The following KALRN variants were observed in gnomAD, a reference collection of about 807,000 sequenced individuals.
The protein encoded by KALRN is kalirin RhoGEF kinase.
A neutral mutation model predicts 353.7 loss-of-function variants in KALRN; 70 were observed. The observed-to-expected ratio is 0.20, with a 90% CI of 0.16 to 0.24. The LOEUF (loss-of-function observed/expected upper bound fraction) is 0.24. KALRN is among the 10% of genes least tolerant of loss of function. The probability of loss-of-function intolerance (pLI) is 1.00; values close to 1 mark genes in which losing one functional copy is unlikely to be tolerated. For missense variants in KALRN, 2,791 were observed against 3,756.7 expected (o/e 0.74, Z 6.72); for synonymous variants, 1,391 against 1,434.8 (o/e 0.97, Z 0.69).
intron 12 of KALRN, among the ~76,000 whole-genome samples, chr3:124,395,785 T>C (rs2090086043): frequency 6.6e-6 from 1 of 152,180 alleles, no homozygotes; most frequent in Admixed American, 6.5e-5. Flanking sequence ...TGTTTGACTT[T>C]GGACCCATGA....
At chr3:124,035,267 A>G (rs1386066596) in intron 1 of KALRN, among the ~76,000 whole-genome samples, 2 of 151,932 alleles carry the variant, frequency 1.3e-5, no homozygotes, top group South Asian at 4.2e-4. Flanking sequence ...AGCACCCAAA[A>G]GCATGGATTC....
rs151272510 is a variant in KALRN, at chr3:124,069,437, G to A, written c.73+35624G>A. ...GGATCTCCCAGAGCTGAGTCGACACGTGTCCCTCTATGTCGTGCACAGCCC... is the reference window on the plus strand; with the variant it reads ...GGATCTCCCAGAGCTGAGTCGACACATGTCCCTCTATGTCGTGCACAGCCC... On this transcript the variant is annotated intron_variant, in intron 1 of 59. Coordinates refer to ENST00000682506, the MANE Select transcript of KALRN (RefSeq NM_001388419.1). Among the ~76,000 whole-genome samples, 8 of 152,154 alleles carry A rather than the reference G, an allele frequency of 5.3e-5. No individual in the cohort carries two copies. The East Asian group carries it at 1.4e-3, about 26-fold the overall frequency.
At chr3:124,352,710 TA>T (rs1231357253) in intron 10 of KALRN, among the ~76,000 whole-genome samples, 1 of 151,638 alleles carries the variant, frequency 6.6e-6, no homozygotes, top group Admixed American at 6.6e-5. Flanking sequence ...GAACACACTT[TA>T]AAAAAATCAT....
At chr3:124,430,827 C>T (rs529563305) in intron 16 of KALRN, 52 bp downstream of exon 16, 2 of 1,573,298 alleles carry the variant, frequency 1.3e-6, no homozygotes, top group Admixed American at 3.5e-5. Flanking sequence ...CTGCTCTGTA[C>T]CTCAGGCAGG....
At chr3:124,426,242 A>C (rs777067077) in intron 15 of KALRN, among the ~76,000 whole-genome samples, 14 of 152,168 alleles carry the variant, frequency 9.2e-5, no homozygotes, top group Non-Finnish European at 1.9e-4. Flanking sequence ...ACTGATTTGG[A>C]AGCTGTTGAC....
intron 10 of KALRN, among the ~76,000 whole-genome samples, chr3:124,368,667 G>T (rs1433243136): frequency 6.8e-6 from 1 of 146,520 alleles, no homozygotes; most frequent in Non-Finnish European, 1.5e-5. Flanking sequence ...GGTGGCGGCC[G>T]GGCAGAGGCT....
intron 1 of KALRN, among the ~76,000 whole-genome samples, chr3:124,196,904 TCATTATGCTCA>T (rs1011144629): frequency 5.0e-4 from 67 of 133,194 alleles, no homozygotes; most frequent in Non-Finnish European, 8.4e-4. Context: ...GCAGGTGCTA[TCATTATGCTCA>T]TTTACAGATG....
chr3:124,505,996 G>T (rs1269249104), intron 33 of KALRN, among the ~76,000 whole-genome samples: 1 of 152,226 alleles, frequency 6.6e-6, no homozygotes, highest in Non-Finnish European at 1.5e-5. Flanking sequence ...CAAAGTGGCA[G>T]TTGGATGATG....
chr3:124,180,376 T>G (rs1481828133), intron 1 of KALRN, among the ~76,000 whole-genome samples: 1 of 152,208 alleles, frequency 6.6e-6, no homozygotes, highest in Non-Finnish European at 1.5e-5. Context: ...CTCTGCCATG[T>G]GCTTTAGTGT....
intron 57 of KALRN, among the ~76,000 whole-genome samples, chr3:124,703,141 G>T (rs145384547): frequency 6.6e-6 from 1 of 152,256 alleles, no homozygotes; most frequent in African/African-American, 2.4e-5. Context: ...TTTTTTAACT[G>T]ACGTGGTTGT....
intron 19 of KALRN, among the ~76,000 whole-genome samples, chr3:124,444,202 C>G (rs1359383819): frequency 6.6e-6 from 1 of 152,236 alleles, no homozygotes; most frequent in Non-Finnish European, 1.5e-5. Context: ...TTGGCTCCTT[C>G]ACTCCAGGTA....
chr3:124,211,022 C>G (rs2076854800), intron 1 of KALRN, among the ~76,000 whole-genome samples: 2 of 152,212 alleles, frequency 1.3e-5, no homozygotes, highest in African/African-American at 2.4e-5. Context: ...TCTACAATTT[C>G]AGGAGCTGAC....
At chr3:124,304,292 T>C (rs907300377) in intron 6 of KALRN, among the ~76,000 whole-genome samples, 2 of 152,202 alleles carry the variant, frequency 1.3e-5, no homozygotes, top group African/African-American at 2.4e-5. Flanking sequence ...GTCTTTTTAG[T>C]ATAATTTTTT....
At chr3:124,609,834 G>A (rs1243504864) in intron 34 of KALRN, among the ~76,000 whole-genome samples, 1 of 152,122 alleles carries the variant, frequency 6.6e-6, no homozygotes, top group Non-Finnish European at 1.5e-5. Flanking sequence ...AGAGGTGGGT[G>A]GTAGTTATCC....
At chr3:124,212,533 G>A (rs2076989265) in intron 1 of KALRN, among the ~76,000 whole-genome samples, 1 of 151,932 alleles carries the variant, frequency 6.6e-6, no homozygotes, top group African/African-American at 2.4e-5. Context: ...TGGATACTTA[G>A]GATATTTGCA....
In KALRN at chr3:124,040,306, G is replaced by A. The variant is rs149357599; in HGVS notation, c.73+6493G>A. ...AAATGAACACTTTTTACTTTTCAAA[G>A]TTTTCTCTGGTTCTGGTATTTGATA... On this transcript the variant is annotated intron_variant, in intron 1 of 59. Coordinates refer to ENST00000682506, the MANE Select transcript of KALRN (RefSeq NM_001388419.1). Among the ~76,000 whole-genome samples, 34 of 152,280 alleles carry A rather than the reference G, an allele frequency of 2.2e-4. No homozygotes were observed. The East Asian group carries it at 6.4e-3, about 29-fold the overall frequency.
intron 2 of KALRN, among the ~76,000 whole-genome samples, chr3:124,234,548 A>G (rs1457359373): frequency 2.0e-5 from 3 of 152,164 alleles, no homozygotes; most frequent in Non-Finnish European, 4.4e-5. Flanking sequence ...GTGCATCCCC[A>G]TGTGCCAACT....
intron 10 of KALRN, among the ~76,000 whole-genome samples, chr3:124,364,881 C>T (rs902181646): frequency 2.6e-5 from 4 of 152,230 alleles, no homozygotes; most frequent in Non-Finnish European, 4.4e-5. Context: ...TGTGCTCCCA[C>T]AGTGAGCTTT....
chr3:124,547,241 C>T (rs1468035037), intron 33 of KALRN, among the ~76,000 whole-genome samples: 1 of 152,192 alleles, frequency 6.6e-6, no homozygotes. Context: ...CTCAAGCTAT[C>T]CTCCTGCCTG....
Sources: gnomAD v4.1 joint callset for allele counts (sites outside exome capture counted in the v4.1 genomes callset) on GRCh38, gnomAD v4.1.1 for gene constraint, MANE v1.5 for transcripts, NCBI Gene and HGNC (gene_info 2026-07-23, HGNC 2026-07-21) for gene names.